Variants in EBF2 observed in about 807,000 individuals in gnomAD.
EBF2 encodes the protein EBF transcription factor 2, also known as transcription factor COE2.
EBF2 carries 21 observed loss-of-function variants against 72.8 expected under a neutral mutation model. The ratio of observed to expected loss-of-function variants is 0.29; its 90% confidence interval spans 0.20 to 0.42. The LOEUF (loss-of-function observed/expected upper bound fraction) is 0.42. Ranked by LOEUF, EBF2 falls within the 10% of genes least tolerant of loss-of-function variation. The pLI is 1.00. For synonymous variants in EBF2, 299 were observed against 274.2 expected (o/e 1.09, Z -0.89); for missense variants, 637 against 731.2 (o/e 0.87, Z 1.49).
chr8:26,002,371 T>C lies in EBF2; in HGVS notation c.551+30714A>G, dbSNP rs918606540. 1.4e-4 allele frequency among the ~76,000 whole-genome samples: 21 copies of C among 152,370 alleles called. 1 individual carries two copies. The highest frequency in any genetic ancestry group is 3.4e-3 in the Middle Eastern group (1 of 294). ...AACTACTTTGTCATCGTTAAGAGTA[T>C]TGCTGACACATTCCCAGCAGGCTCA... is the stretch of plus-strand genomic sequence containing the variant. On this transcript the variant is annotated intron_variant, in intron 6 of 15. Transcript: ENST00000520164.
rs1415286195 is a variant in EBF2, at chr8:25,842,349, C to T, written c.*2260G>A. The stretch of plus-strand genomic sequence containing the variant: ...CTGGTATTTAGTTACACGCATTTTT[C>T]GGTGTAAAGCTACCAAGAAATTCTA... On this transcript the variant is annotated 3_prime_UTR_variant, in exon 16 of 16. Coordinates refer to ENST00000520164, the MANE Select transcript of EBF2 (RefSeq NM_022659.4). The T allele has an allele frequency of 6.6e-6, 1 of 152,070 alleles. No individual in the cohort carries two copies. The highest frequency in any genetic ancestry group is 2.1e-4 in the South Asian group (1 of 4,826). The allele number at this position is 152,070 out of a possible 1,614,324, so 9.4% of individuals were successfully genotyped here.
chr8:25,953,547 C>A (rs926202845), intron 6 of EBF2, among the ~76,000 whole-genome samples: 2 of 152,154 alleles, frequency 1.3e-5, no homozygotes, highest in Non-Finnish European at 2.9e-5. Context: ...TCTTCCAGTC[C>A]CATACCGCAG....
Position 26,042,094 on chromosome 8 carries a change from C to A in EBF2, c.288+1G>T. ...GGGTTTGGGGGGTACTTTCCGCTTA[C>A]TTTGTCATTCTCCACAAAGTCCACG... On this transcript the variant is annotated splice_donor_variant, in intron 2 of 15. Coordinates refer to ENST00000520164, the MANE Select transcript of EBF2 (RefSeq NM_022659.4). LOFTEE classifies it high-confidence loss of function. 6.2e-7 allele frequency: 1 copy of A among 1,613,350 alleles called. No homozygotes were observed. The highest frequency in any genetic ancestry group is 8.5e-7 in the Non-Finnish European group (1 of 1,179,390).
Position 25,844,541 on chromosome 8 carries a change from C to T in EBF2, c.*68G>A. The T allele has an allele frequency of 1.3e-6, 2 of 1,583,844 alleles. No individual in the cohort carries two copies. Among genetic ancestry groups the T allele is most frequent in the Non-Finnish European group, 1.7e-6 (2 of 1,152,980 alleles). ...GCACCACTACACCCCCAAAAGAGCT[C>T]CTAGTGCTTTCTTCATTATTGGTCC... On this transcript the variant is annotated 3_prime_UTR_variant, in exon 16 of 16. Transcript: ENST00000520164.
At chr8:25,851,285 C>G (rs188103052) in intron 14 of EBF2, among the ~76,000 whole-genome samples, 32 of 152,276 alleles carry the variant, frequency 2.1e-4, no homozygotes, top group Middle Eastern at 3.4e-3. Flanking sequence ...TGGGCCACTT[C>G]CTCATTAAAT....
intron 6 of EBF2, among the ~76,000 whole-genome samples, chr8:25,935,518 CT>C: frequency 6.6e-6 from 1 of 152,324 alleles, no homozygotes; most frequent in South Asian, 2.1e-4. Context: ...ACACAAAGCC[CT>C]TGCGCGTGGG....
intron 10 of EBF2, among the ~76,000 whole-genome samples, chr8:25,873,917 A>G (rs1279053040): frequency 2.0e-5 from 3 of 152,182 alleles, no homozygotes; most frequent in East Asian, 1.9e-4. Flanking sequence ...GCAGCCCCCT[A>G]TTCTGGGGCT....
At chr8:26,029,700 G>C (rs1282354981) in intron 6 of EBF2, among the ~76,000 whole-genome samples, 1 of 152,168 alleles carries the variant, frequency 6.6e-6, no homozygotes, top group Non-Finnish European at 1.5e-5. Flanking sequence ...GAGATAATTA[G>C]TTGGCATTAT....
At chr8:26,010,644 A>G (rs1804964434) in intron 6 of EBF2, among the ~76,000 whole-genome samples, 4 of 152,190 alleles carry the variant, frequency 2.6e-5, no homozygotes, top group Admixed American at 2.6e-4. Context: ...CTGCCTCGGA[A>G]AGCTCTAAAT....
At chr8:25,850,900 T>C in intron 14 of EBF2, 139 bp from the exon 15 acceptor site, 1 of 910,150 alleles carries the variant, frequency 1.1e-6, no homozygotes, top group Non-Finnish European at 1.6e-6. Flanking sequence ...AAGTTGAATG[T>C]GACAACATTC....
At chr8:26,038,571 A>T (rs970526490) in intron 5 of EBF2, among the ~76,000 whole-genome samples, 4 of 152,226 alleles carry the variant, frequency 2.6e-5, no homozygotes, top group Admixed American at 2.6e-4. Flanking sequence ...GCATAAAAAG[A>T]AAAACCTCCC....
At chr8:25,974,192 G>C (rs561773058) in intron 6 of EBF2, among the ~76,000 whole-genome samples, 1 of 152,288 alleles carries the variant, frequency 6.6e-6, no homozygotes, top group South Asian at 2.1e-4. Flanking sequence ...TAAGCACCAA[G>C]GGGAAGTGGC....
chr8:25,908,290 A>G (rs76542435), intron 7 of EBF2, among the ~76,000 whole-genome samples, 184 bp downstream of exon 7: 5,133 of 152,318 alleles, frequency 0.034, 122 homozygotes, highest in Middle Eastern at 0.061. Flanking sequence ...CAGAAAGCTT[A>G]AACACTACAA....
At chr8:25,973,096 C>G (rs1246365902) in intron 6 of EBF2, among the ~76,000 whole-genome samples, 1 of 152,002 alleles carries the variant, frequency 6.6e-6, no homozygotes, top group Non-Finnish European at 1.5e-5. Context: ...ACCCAGGAGG[C>G]CTGCAGTTTC....
rs370537979 is a variant in EBF2 at position 25,874,176 on chromosome 8, GA to G, written c.1010-11380del. Among the ~76,000 whole-genome samples, 533 of 151,788 alleles carry G rather than the reference GA, an allele frequency of 3.5e-3. 4 individuals are homozygous for G. The highest frequency in any genetic ancestry group is 0.011 in the African/African-American group (459 of 41,426). Reference sequence around the variant, plus strand: ...TTTTTCCAGGATAACGCTATATGGGGAAAAAAAATGCGAAGTGGATGAGCTA... The same window carrying G: ...TTTTTCCAGGATAACGCTATATGGGGAAAAAAATGCGAAGTGGATGAGCTA... On this transcript the variant is annotated intron_variant, in intron 10 of 15. Transcript: ENST00000520164.
intron 6 of EBF2, among the ~76,000 whole-genome samples, chr8:26,018,036 A>T (rs1018403500): frequency 6.6e-6 from 1 of 152,156 alleles, no homozygotes; most frequent in African/African-American, 2.4e-5. Flanking sequence ...TACTTCATAG[A>T]AGGAAAAAAA....
In EBF2 at chr8:25,919,324, C is replaced by T. The variant is rs542793550; in HGVS notation, c.552-10769G>A. ...TAGTGGTCATGCAAGTTGAGGAAGA[C>T]TCCAGAAAGAAAGTAGGAAATGCAT... On this transcript the variant is annotated intron_variant, in intron 6 of 15. Transcript: ENST00000520164. 1.4e-4 allele frequency among the ~76,000 whole-genome samples: 21 copies of T among 152,202 alleles called. No individual in the cohort carries two copies. The South Asian group carries it at 2.7e-3, about 20-fold the overall frequency.
chr8:26,040,082 T>C lies in EBF2; in HGVS notation c.428A>G (p.Gln143Arg). The stretch of plus-strand genomic sequence containing the variant: ...TCGGCACATTTCCGGATTCTTATTC[T>C]GTCCCTCGTAAGCGATGGGCTGTGA... ...VTKQPIAYEG[Q>R]NKNPEMCRVL... is the part of the protein sequence containing the mutation. The change falls in exon 5 of 16, where the codon CAG (glutamine) becomes CGG (arginine). Residue 143 changes from glutamine to arginine, a missense_variant. By Grantham distance (43) the Gln-to-Arg change is conservative (BLOSUM62 1). Around this residue, in one of 3 missense-constraint regions of EBF2, gnomAD observed 204 missense variants for 301.2 expected, o/e 0.68. Coordinates refer to ENST00000520164, the MANE Select transcript of EBF2 (RefSeq NM_022659.4). 2 of 1,613,964 alleles carry C rather than the reference T, an allele frequency of 1.2e-6. No individual in the cohort carries two copies. The highest frequency in any genetic ancestry group is 1.7e-6 in the Non-Finnish European group (2 of 1,179,936).
At chr8:25,851,465 T>TAA (rs1801971404) in intron 14 of EBF2, among the ~76,000 whole-genome samples, 1 of 152,152 alleles carries the variant, frequency 6.6e-6, no homozygotes, top group Non-Finnish European at 1.5e-5. Context: ...CCAAGCATTA[T>TAA]AATTTCCAAG....
Sources: gnomAD v4.1 joint callset for allele counts (sites outside exome capture counted in the v4.1 genomes callset) on GRCh38, gnomAD v4.1.1 for gene constraint, gnomAD v4.1.1 regional missense constraint, MANE v1.5 for transcripts, NCBI Gene and HGNC (gene_info 2026-07-23, HGNC 2026-07-21) for gene names.